The following PRKN variants were observed in gnomAD, a reference collection of about 807,000 sequenced individuals.
PRKN encodes parkin RBR E3 ubiquitin protein ligase, also known as E3 ubiquitin-protein ligase parkin.
A neutral mutation model predicts 59.5 loss-of-function variants in PRKN; 56 were observed. The observed-to-expected ratio is 0.94, with a 90% CI of 0.76 to 1.18. The LOEUF is 1.18. PRKN is among the 50% of genes most tolerant of loss of function. The pLI is 0.00. For synonymous variants in PRKN, 250 were observed against 222.1 expected (o/e 1.13, Z -1.12); for missense variants, 657 against 596.4 (o/e 1.10, Z -1.06).
At chr6:162,142,776 C>T (rs1781844154) in intron 4 of PRKN, among the ~76,000 whole-genome samples, 1 of 152,170 alleles carries the variant, frequency 6.6e-6, no homozygotes, top group South Asian at 2.1e-4. Flanking sequence ...ATTATTAATT[C>T]ATTTTATCCG....
chr6:162,113,403 A>G (rs1404077203), intron 4 of PRKN, among the ~76,000 whole-genome samples: 1 of 152,198 alleles, frequency 6.6e-6, no homozygotes, highest in Non-Finnish European at 1.5e-5. Flanking sequence ...CCAGGATGCC[A>G]TTTATTAGAA....
In PRKN at chr6:162,530,033, G is replaced by A. The variant is rs151149186; in HGVS notation, c.8-86560C>T. Among the ~76,000 whole-genome samples, 267 of 152,140 alleles carry A rather than the reference G, an allele frequency of 1.8e-3. 4 individuals carry two copies. In the East Asian group the frequency reaches 0.046, roughly 26 times the overall value. On this transcript the variant is annotated intron_variant, in intron 1 of 11. Transcript: ENST00000366898. Reference sequence around the variant, plus strand: ...TAATCCCAGCTACTCAGGAGGCTGAGGTGGGAGAATTGCTTGAACCTGGGA... The same window carrying A: ...TAATCCCAGCTACTCAGGAGGCTGAAGTGGGAGAATTGCTTGAACCTGGGA...
chr6:162,185,830 G>C (rs1417877611), intron 4 of PRKN, among the ~76,000 whole-genome samples: 1 of 152,130 alleles, frequency 6.6e-6, no homozygotes, highest in African/African-American at 2.4e-5. Context: ...GGATGACAGT[G>C]ATCCTGCACA....
intron 7 of PRKN, among the ~76,000 whole-genome samples, chr6:161,706,008 C>T (rs1056379374): frequency 2.0e-5 from 3 of 151,968 alleles, no homozygotes; most frequent in Non-Finnish European, 4.4e-5. Context: ...GTCCTTCTAG[C>T]CTTGCTTCCA....
chr6:162,218,433 G>A (rs1427794164), intron 3 of PRKN, among the ~76,000 whole-genome samples: 4 of 152,180 alleles, frequency 2.6e-5, no homozygotes, highest in African/African-American at 9.6e-5. Flanking sequence ...GTGTGTGGCA[G>A]CCTAGAGTCC....
rs985161839 is a variant in PRKN at position 161,813,360 on chromosome 6, C to T, written c.735-27452G>A. Among the ~76,000 whole-genome samples, 14 of 152,284 alleles carry T rather than the reference C, an allele frequency of 9.2e-5. 1 individual carries two copies. Among genetic ancestry groups the T allele is most frequent in the Admixed American group, 6.5e-4 (10 of 15,298 alleles). ...GGATGTCCCCAGCCTCACCGGGCTG[C>T]GGCGAGGCGGTGCAGTATCTGTGGA... On this transcript the variant is annotated intron_variant, in intron 6 of 11. Coordinates refer to ENST00000366898, the MANE Select transcript of PRKN (RefSeq NM_004562.3).
intron 3 of PRKN, among the ~76,000 whole-genome samples, chr6:162,253,173 A>G (rs961217128): frequency 6.6e-6 from 1 of 152,222 alleles, no homozygotes; most frequent in Non-Finnish European, 1.5e-5. Context: ...AGAGAGGAGC[A>G]TATCTATCGA....
chr6:162,436,952 C>T (rs536737582), intron 2 of PRKN, among the ~76,000 whole-genome samples: 16 of 151,998 alleles, frequency 1.1e-4, no homozygotes, highest in African/African-American at 1.9e-4. Context: ...ATGAGCCAGG[C>T]GTGGTAGCGG....
At chr6:161,795,394 G>A (rs1477796179) in intron 6 of PRKN, among the ~76,000 whole-genome samples, 1 of 151,532 alleles carries the variant, frequency 6.6e-6, no homozygotes, top group East Asian at 2.0e-4. Context: ...CACCATGCCT[G>A]GCTAATCTTT....
At chr6:162,359,079 A>AAAAAAAAAAAAAAAAAATATAT (rs57265104) in intron 2 of PRKN, among the ~76,000 whole-genome samples, 1 of 83,274 alleles carries the variant, frequency 1.2e-5, no homozygotes, top group African/African-American at 7.3e-5. Context: ...AAAAAAAAAA[A>AAAAAAAAAAAAAAAAAATATAT]ATATATATAT....
intron 1 of PRKN, among the ~76,000 whole-genome samples, chr6:162,591,682 A>T (rs779865174): frequency 3.3e-4 from 51 of 152,284 alleles, no homozygotes; most frequent in African/African-American, 1.1e-3. Context: ...TATTGAATAC[A>T]TTAAGAATTT....
At position 161,794,085 on chromosome 6, in the gene PRKN, G is replaced by A. The variant is rs147235370; in HGVS notation, c.735-8177C>T. ...GCAACGACTTGATTTTATGCATCTC[G>A]TGGCATTGGCTTGTGTCTACCTGGA... On this transcript the variant is annotated intron_variant, in intron 6 of 11. Coordinates refer to ENST00000366898, the MANE Select transcript of PRKN (RefSeq NM_004562.3). 8.1e-4 allele frequency among the ~76,000 whole-genome samples: 123 copies of A among 152,150 alleles called. 2 individuals carry two copies. In the East Asian group the frequency reaches 0.013, roughly 16 times the overall value.
chr6:161,385,651 A>C lies in PRKN; in HGVS notation c.1167+1143T>G, dbSNP rs529095249. Among the ~76,000 whole-genome samples the C allele has an allele frequency of 1.6e-4, 25 of 152,304 alleles. No homozygotes were observed. Among genetic ancestry groups the C allele is most frequent in the Non-Finnish European group, 3.2e-4 (22 of 68,024 alleles). ...TTGCAGTCTCAGAGCATATGGATGT[A>C]AATTGCTAGACTAACTCCGTTTCCC... On this transcript the variant is annotated intron_variant, in intron 10 of 11. Transcript: ENST00000366898. This position sits in a 1 kb window ranked among gnomAD's most constrained non-coding sequence, Gnocchi z 4.9.
intron 4 of PRKN, among the ~76,000 whole-genome samples, chr6:162,059,785 T>C (rs1020746027): frequency 1.3e-5 from 2 of 151,860 alleles, no homozygotes; most frequent in African/African-American, 4.8e-5. Context: ...CCAAGAAAAA[T>C]ATATAAATTA....
rs1429072220 is a variant in PRKN at position 161,526,716 on chromosome 6, A to G, written c.1083+22138T>C. On this transcript the variant is annotated intron_variant, in intron 9 of 11. Transcript: ENST00000366898. The surrounding 1 kb of genome is among the most constrained non-coding windows in gnomAD (Gnocchi z 4.1). Reference sequence around the variant, plus strand: ...ATGTTTGCTAAGCACTGTAGGGGACAGAAAAGACTTTCTTTATCCTCTGAA... The same window carrying G: ...ATGTTTGCTAAGCACTGTAGGGGACGGAAAAGACTTTCTTTATCCTCTGAA... 6.6e-6 allele frequency among the ~76,000 whole-genome samples: 1 copy of G among 152,198 alleles called. No homozygotes were observed. Among genetic ancestry groups the G allele is most frequent in the African/African-American group, 2.4e-5 (1 of 41,464 alleles).
At chr6:162,560,664 A>G (rs369475100) in intron 1 of PRKN, among the ~76,000 whole-genome samples, 1 of 152,210 alleles carries the variant, frequency 6.6e-6, no homozygotes, top group African/African-American at 2.4e-5. Flanking sequence ...AATCATGTTT[A>G]CAATTGATAT....
chr6:162,071,351 T>C (rs1778567077), intron 4 of PRKN, among the ~76,000 whole-genome samples: 1 of 151,786 alleles, frequency 6.6e-6, no homozygotes, highest in Admixed American at 6.6e-5. Flanking sequence ...GATTTTCCTT[T>C]ATTGTTATTC....
Position 161,348,284 on chromosome 6 carries a change from G to A in PRKN, c.*1815C>T, listed in dbSNP as rs1171697647. ...GGGTCTGGACTCAGTATGGACACGAGCCACTGGGTGCAGGGGGCTCATGCC... is the reference window on the plus strand; with the variant it reads ...GGGTCTGGACTCAGTATGGACACGAACCACTGGGTGCAGGGGGCTCATGCC... On this transcript the variant is annotated 3_prime_UTR_variant, in exon 12 of 12. Coordinates refer to ENST00000366898, the MANE Select transcript of PRKN (RefSeq NM_004562.3). This position sits in a 1 kb window ranked among gnomAD's most constrained non-coding sequence, Gnocchi z 4.9. 1.5e-5 allele frequency: 3 copies of A among 203,238 alleles called. No individual in the cohort carries two copies. In the East Asian group the frequency reaches 2.2e-4, roughly 15 times the overall value. The allele number at this position is 203,238 out of a possible 1,614,324, so 12.6% of individuals were successfully genotyped here. A position where few individuals can be genotyped will look rare whatever the true frequency, so the allele number is the denominator to read the frequency against.
At chr6:162,339,881 G>T (rs1261243614) in intron 2 of PRKN, among the ~76,000 whole-genome samples, 1 of 148,918 alleles carries the variant, frequency 6.7e-6, no homozygotes, top group African/African-American at 2.5e-5. Flanking sequence ...GTCCACTCAG[G>T]GTTGAATGGA....
Sources: gnomAD v4.1 joint callset for allele counts (sites outside exome capture counted in the v4.1 genomes callset) on GRCh38, gnomAD v4.1.1 for gene constraint, Gnocchi (gnomAD v3.1) non-coding constraint, MANE v1.5 for transcripts, NCBI Gene and HGNC (gene_info 2026-07-23, HGNC 2026-07-21) for gene names.